JADE1: variants seen among roughly 807,000 people sequenced by gnomAD.
JADE1 encodes the protein jade family PHD finger 1, also known as protein Jade-1.
In JADE1, 14 loss-of-function variants were observed where a neutral mutation model predicts 81.8. The ratio of observed to expected loss-of-function variants is 0.17; its 90% CI spans 0.11 to 0.27. The LOEUF is 0.27. Ranked by LOEUF, JADE1 falls within the 10% of genes least tolerant of loss-of-function variation. The probability of loss-of-function intolerance (pLI) is 1.00; values close to 1 mark genes in which losing one functional copy is unlikely to be tolerated. For missense variants in JADE1, 690 were observed against 1,047.9 expected, an observed-to-expected ratio of 0.66 and a Z score of 4.71; for synonymous variants, 353 against 391.9, an observed-to-expected ratio of 0.90 and a Z score of 1.17.
At position 128,873,964 on chromosome 4, in the gene JADE1, C is replaced by G. The variant is rs1025551817; in HGVS notation, c.*1702C>G. The G allele has an allele frequency of 2.0e-5, 3 of 152,528 alleles. No homozygotes were observed. The highest frequency in any genetic ancestry group is 4.4e-5 in the Non-Finnish European group (3 of 68,020). The allele number at this position is 152,528 out of a possible 1,614,324, so 9.4% of individuals were successfully genotyped here. On this transcript the variant is annotated 3_prime_UTR_variant, in exon 11 of 11. Transcript: ENST00000226319. The stretch of plus-strand genomic sequence containing the variant: ...CATTGTATGTACGACATTTTCAAAC[C>G]AAGTCTTAACTTTTCAAGGACATTT...
chr4:128,821,781 C>T (rs1727595474), intron 1 of JADE1, among the ~76,000 whole-genome samples: 2 of 152,170 alleles, frequency 1.3e-5, no homozygotes. Flanking sequence ...CTCGGCCTCC[C>T]AAAGTGCTGG....
intron 4 of JADE1, among the ~76,000 whole-genome samples, chr4:128,848,173 T>C (rs1730026809): frequency 1.3e-5 from 2 of 152,104 alleles, no homozygotes; most frequent in African/African-American, 4.8e-5. Context: ...GGCCGGGGTC[T>C]TATTTCCTTT....
intron 9 of JADE1, among the ~76,000 whole-genome samples, chr4:128,867,447 C>T (rs551398211): frequency 3.7e-4 from 56 of 152,328 alleles, no homozygotes; most frequent in Non-Finnish European, 6.8e-4. Flanking sequence ...GCTTTAAAGC[C>T]ATTGGCCATC....
intron 1 of JADE1, among the ~76,000 whole-genome samples, chr4:128,813,473 C>T (rs1430548656): frequency 7.2e-6 from 1 of 139,530 alleles, no homozygotes; most frequent in African/African-American, 2.7e-5. Flanking sequence ...GGCTGGAGTG[C>T]AGTGGCATGA....
intron 9 of JADE1, chr4:128,863,797 G>A (rs879013233): frequency 1.7e-5 from 17 of 985,374 alleles, no homozygotes; most frequent in African/African-American, 1.6e-4. Flanking sequence ...ATGCCAGCCC[G>A]ACACCTGCTG....
At chr4:128,842,520 G>C (rs1422814539) in intron 2 of JADE1, among the ~76,000 whole-genome samples, 1 of 152,116 alleles carries the variant, frequency 6.6e-6, no homozygotes, top group Non-Finnish European at 1.5e-5. Context: ...GGCAGGTCTT[G>C]AATTCCTGAC....
At chr4:128,826,415 T>C (rs1303918368) in intron 1 of JADE1, among the ~76,000 whole-genome samples, 1 of 152,062 alleles carries the variant, frequency 6.6e-6, no homozygotes, top group Non-Finnish European at 1.5e-5. Context: ...TGGAGTGCAG[T>C]GGCACACGCT....
chr4:128,872,821 GCAGT>G lies in JADE1; in HGVS notation c.*563_*566del, dbSNP rs1284225814. On this transcript the variant is annotated 3_prime_UTR_variant, in exon 11 of 11. Coordinates refer to ENST00000226319, the MANE Select transcript of JADE1 (RefSeq NM_199320.4). ...ACTAAGAAATTTATGTGTAAATATA[GCAGT>G]CAGGGAAGAGAATTTTAAAAAAGGT... 4 of 438,860 alleles carry G rather than the reference GCAGT, an allele frequency of 9.1e-6. No individual in the cohort carries two copies. The highest frequency in any genetic ancestry group is 8.1e-5 in the African/African-American group (4 of 49,500). The allele number at this position is 438,860 out of a possible 1,614,324, so 27.2% of individuals were successfully genotyped here.
chr4:128,847,986 T>C (rs1323318575), intron 4 of JADE1, among the ~76,000 whole-genome samples: 1 of 152,080 alleles, frequency 6.6e-6, no homozygotes, highest in Admixed American at 6.5e-5. Context: ...GCACATGCAG[T>C]CTTATTTTGA....
chr4:128,865,018 C>A (rs1156252962), intron 9 of JADE1: 1 of 152,150 alleles, frequency 6.6e-6, no homozygotes, highest in African/African-American at 2.4e-5. Context: ...AATGTGAGTT[C>A]AGCAAATGAG....
chr4:128,834,530 CTTTTTTTTTTTTT>C (rs202245727), intron 2 of JADE1, among the ~76,000 whole-genome samples: 2 of 99,220 alleles, frequency 2.0e-5, no homozygotes, highest in African/African-American at 3.6e-5. Flanking sequence ...CCAAATATTT[CTTTTTTTTTTTTT>C]TTTTTTTTGA....
chr4:128,855,841 CAG>C, intron 7 of JADE1, 44 bp downstream of exon 7: 1 of 1,528,040 alleles, frequency 6.5e-7, no homozygotes. Context: ...TTTTTTAAGA[CAG>C]AGTTTAACTC....
intron 8 of JADE1, among the ~76,000 whole-genome samples, chr4:128,860,911 C>G (rs1211229048): frequency 6.6e-6 from 1 of 152,168 alleles, no homozygotes; most frequent in African/African-American, 2.4e-5. Flanking sequence ...CTCCATGCAT[C>G]TGGTGAAGCT....
At chr4:128,866,365 CAGG>C (rs1017381085) in intron 9 of JADE1, among the ~76,000 whole-genome samples, 17 of 152,310 alleles carry the variant, frequency 1.1e-4, no homozygotes, top group African/African-American at 3.8e-4. Context: ...TTGTTAGGGG[CAGG>C]AGAAGCCTGA....
chr4:128,861,490 C>A (rs1312071701), intron 8 of JADE1, among the ~76,000 whole-genome samples: 3 of 151,826 alleles, frequency 2.0e-5, no homozygotes, highest in Non-Finnish European at 2.9e-5. Context: ...CATAGGGAGA[C>A]CTCATCTCTA....
At chr4:128,858,603 A>ATT (rs201166332) in intron 8 of JADE1, among the ~76,000 whole-genome samples, 5 of 137,260 alleles carry the variant, frequency 3.6e-5, no homozygotes, top group Non-Finnish European at 3.2e-5. Context: ...TGGTTTTAAA[A>ATT]TTTTTTTTTT....
rs1729913199 is a variant in JADE1 at position 128,846,849 on chromosome 4, T to A, written c.296+317T>A. On this transcript the variant is annotated intron_variant, in intron 4 of 10. Coordinates refer to ENST00000226319, the MANE Select transcript of JADE1 (RefSeq NM_199320.4). The surrounding 1 kb of genome is among the most constrained non-coding windows in gnomAD (Gnocchi z 4.0). ...GGGCTAGGGGAGGAAAATTTGGGTG[T>A]TCACACGTCTGCATCCTCTTTTCCT... 6.6e-6 allele frequency among the ~76,000 whole-genome samples: 1 copy of A among 152,116 alleles called. No homozygotes were observed. Among genetic ancestry groups the A allele is most frequent in the Admixed American group, 6.6e-5 (1 of 15,264 alleles).
intron 2 of JADE1, among the ~76,000 whole-genome samples, chr4:128,835,275 T>C (rs1347237476): frequency 6.6e-6 from 1 of 152,234 alleles, no homozygotes; most frequent in Non-Finnish European, 1.5e-5. Flanking sequence ...TTTACAGCCA[T>C]GCTGTCTGTC....
In JADE1 at chr4:128,872,118, A is replaced by G; in HGVS notation, c.2385A>G (p.Lys795=). The stretch of plus-strand genomic sequence containing the variant: ...AGGAAAGGGCAAAAAGCAAATTAAA[A>G]TCCGACAATGAGAATGACGGGTATG... ...PAKERAKSKL[K]SDNENDGYVP... The change falls in exon 11 of 11, where the codon AAA becomes AAG. Residue 795 remains lysine, a synonymous_variant. Coordinates refer to ENST00000226319, the MANE Select transcript of JADE1 (RefSeq NM_199320.4). The G allele has an allele frequency of 6.2e-7, 1 of 1,614,190 alleles. No individual in the cohort carries two copies. Among genetic ancestry groups the G allele is most frequent in the Non-Finnish European group, 8.5e-7 (1 of 1,180,018 alleles).
Sources: gnomAD v4.1 joint callset for allele counts (sites outside exome capture counted in the v4.1 genomes callset) on GRCh38, gnomAD v4.1.1 for gene constraint, Gnocchi (gnomAD v3.1) non-coding constraint, MANE v1.5 for transcripts, NCBI Gene and HGNC (gene_info 2026-07-23, HGNC 2026-07-21) for gene names.